The following PXT1 variants were observed in gnomAD, a reference collection of about 807,000 sequenced individuals.
The protein encoded by PXT1 is peroxisomal testis enriched protein 1, also known as peroxisomal testis-specific protein 1.
PXT1 carries 11 observed loss-of-function variants against 11.0 expected under a neutral mutation model. The observed-to-expected ratio is 1.00, with a 90% confidence interval of 0.63 to 1.66. The LOEUF (loss-of-function observed/expected upper bound fraction) is 1.66. PXT1 is among the 40% of genes most tolerant of loss of function. PXT1 has a pLI of 0.00. For missense variants in PXT1, 141 were observed against 155.5 expected, an observed-to-expected ratio of 0.91 and a Z score of 0.49; for synonymous variants, 43 against 51.4, an observed-to-expected ratio of 0.84 and a Z score of 0.70.
rs933307783 is a variant in PXT1 at position 36,391,100 on chromosome 6, T to C, written c.*670A>G. ...ATCAAAGGTGAGAAAAGAACGTAAA[T>C]GTTGTAGAATCAGAGCCTGAGAAGG... On this transcript the variant is annotated 3_prime_UTR_variant, in exon 5 of 5. Coordinates refer to ENST00000454782, the MANE Select transcript of PXT1 (RefSeq NM_152990.4). 1 of 152,078 alleles carries C rather than the reference T, an allele frequency of 6.6e-6. No homozygotes were observed. The highest frequency in any genetic ancestry group is 2.4e-5 in the African/African-American group (1 of 41,292). 9.4% of individuals were successfully genotyped at this position (152,078 alleles called of 1,614,324 possible). A position where few individuals can be genotyped will look rare whatever the true frequency, so the allele number is the denominator to read the frequency against.
At chr6:36,400,970 CA>C (rs200057048) in intron 3 of PXT1, among the ~76,000 whole-genome samples, 183 of 134,530 alleles carry the variant, frequency 1.4e-3, no homozygotes, top group African/African-American at 2.9e-3. Flanking sequence ...AACTCCATCT[CA>C]AAAAAAAAAA....
intron 2 of PXT1, among the ~76,000 whole-genome samples, chr6:36,437,706 C>CG (rs1396248322): frequency 1.3e-5 from 2 of 151,162 alleles, no homozygotes; most frequent in Non-Finnish European, 2.9e-5. Context: ...TTAGTAGAGA[C>CG]GGGGTTTCAC....
chr6:36,424,259 T>TA (rs576236705), intron 3 of PXT1, among the ~76,000 whole-genome samples: 3 of 152,082 alleles, frequency 2.0e-5, no homozygotes, highest in Non-Finnish European at 2.9e-5. Flanking sequence ...TTACGTCTCT[T>TA]AAAAAAAATT....
intron 2 of PXT1, among the ~76,000 whole-genome samples, chr6:36,437,809 C>T (rs1774788486): frequency 7.0e-6 from 1 of 141,850 alleles, no homozygotes; most frequent in African/African-American, 2.6e-5. Context: ...AGCCACCGTG[C>T]CCAGCCACTG....
At chr6:36,410,205 C>A (rs145069234) in intron 3 of PXT1, among the ~76,000 whole-genome samples, 92 of 151,868 alleles carry the variant, frequency 6.1e-4, no homozygotes, top group African/African-American at 2.0e-3. Context: ...AATCCCAGCA[C>A]TTTGGGAGGC....
intron 2 of PXT1, among the ~76,000 whole-genome samples, chr6:36,429,365 A>T (rs1774656053): frequency 1.1e-5 from 1 of 87,982 alleles, no homozygotes; most frequent in Non-Finnish European, 2.3e-5. Flanking sequence ...TCATGAAAGC[A>T]TGAGAATATA....
intron 3 of PXT1, among the ~76,000 whole-genome samples, chr6:36,421,501 A>G (rs1164354777): frequency 6.6e-6 from 1 of 152,218 alleles, no homozygotes; most frequent in African/African-American, 2.4e-5. Flanking sequence ...ATCTGTGGGA[A>G]GGGTTTACGA....
chr6:36,412,912 CAA>C (rs781129564), intron 3 of PXT1, among the ~76,000 whole-genome samples: 5 of 130,820 alleles, frequency 3.8e-5, no homozygotes, highest in Non-Finnish European at 3.3e-5. Flanking sequence ...AAAGTTAAGT[CAA>C]AAAAAAAAAG....
chr6:36,400,306 A>G (rs1273138492), intron 4 of PXT1, 148 bp downstream of exon 4: 1 of 992,210 alleles, frequency 1.0e-6, no homozygotes, highest in Non-Finnish European at 1.5e-6. Context: ...TCAGGTTCAC[A>G]ATGTTTAGAT....
chr6:36,391,714 G>T lies in PXT1; in HGVS notation c.*56C>A. On this transcript the variant is annotated 3_prime_UTR_variant, in exon 5 of 5. Coordinates refer to ENST00000454782, the MANE Select transcript of PXT1 (RefSeq NM_152990.4). ...TCCCATCTGTCCCAGTGGGATTCAT[G>T]TTTCTCAGAGGGTAAAAAGAAAACA... The T allele has an allele frequency of 8.6e-7, 1 of 1,163,970 alleles. No homozygotes were observed. The highest frequency in any genetic ancestry group is 1.3e-6 in the Non-Finnish European group (1 of 771,618). The allele number at this position is 1,163,970 out of a possible 1,614,324, so 72.1% of individuals were successfully genotyped here.
intron 3 of PXT1, among the ~76,000 whole-genome samples, chr6:36,418,100 G>A (rs531956951): frequency 2.8e-4 from 43 of 152,146 alleles, no homozygotes; most frequent in African/African-American, 8.9e-4. Flanking sequence ...GGAGACTGAG[G>A]CAGGAGAATG....
intron 4 of PXT1, 128 bp from the exon 5 acceptor site, chr6:36,392,002 G>A: frequency 1.5e-6 from 1 of 654,374 alleles, no homozygotes; most frequent in Non-Finnish European, 2.6e-6. Context: ...CAAGCTTCTT[G>A]GGTTGCTTTA....
At chr6:36,412,632 C>G (rs1774390754) in intron 3 of PXT1, among the ~76,000 whole-genome samples, 1 of 147,784 alleles carries the variant, frequency 6.8e-6, no homozygotes, top group African/African-American at 2.5e-5. Flanking sequence ...TGCACTCCAG[C>G]CTGGCAAGAG....
At chr6:36,396,000 A>AAAAC (rs746007081) in intron 4 of PXT1, among the ~76,000 whole-genome samples, 1 of 152,202 alleles carries the variant, frequency 6.6e-6, no homozygotes, top group African/African-American at 2.4e-5. Context: ...CCTGTCTCAA[A>AAAAC]AAACAAACAA....
Position 36,391,644 on chromosome 6 carries a change from C to T in PXT1, c.*126G>A, listed in dbSNP as rs543901116. On this transcript the variant is annotated 3_prime_UTR_variant, in exon 5 of 5. Transcript: ENST00000454782. ...GTTCTTCAACAAACTGGGTGTAGAC[C>T]AACAGTGATGGGTACAAAAAGAGGG... The T allele has an allele frequency of 2.7e-4, 199 of 737,368 alleles. 6 individuals are homozygous for T. The South Asian group carries it at 3.0e-3, about 11-fold the overall frequency. 45.7% of individuals were successfully genotyped at this position (737,368 alleles called of 1,614,324 possible).
chr6:36,403,498 G>A (rs1774242554), intron 3 of PXT1, among the ~76,000 whole-genome samples: 1 of 152,176 alleles, frequency 6.6e-6, no homozygotes, highest in Non-Finnish European at 1.5e-5. Flanking sequence ...CCTGTACAGA[G>A]AACGTGATGG....
intron 4 of PXT1, among the ~76,000 whole-genome samples, chr6:36,399,880 C>A (rs1330892572): frequency 6.6e-6 from 1 of 152,080 alleles, no homozygotes; most frequent in African/African-American, 2.4e-5. Context: ...TGCATCCTAC[C>A]CTTCGGGCTG....
At chr6:36,400,083 T>C (rs1014384849) in intron 4 of PXT1, among the ~76,000 whole-genome samples, 1 of 152,222 alleles carries the variant, frequency 6.6e-6, no homozygotes, top group African/African-American at 2.4e-5. Flanking sequence ...GCATCCAGTT[T>C]TGAGGGTGTG....
chr6:36,434,454 G>A (rs1774735307), intron 2 of PXT1, among the ~76,000 whole-genome samples: 1 of 152,092 alleles, frequency 6.6e-6, no homozygotes, highest in African/African-American at 2.4e-5. Flanking sequence ...AAAATTTTAT[G>A]TTAATGTCTC....
Sources: allele counts gnomAD v4.1 joint callset (sites outside exome capture counted in the v4.1 genomes callset), GRCh38; gene constraint gnomAD v4.1.1; transcripts MANE v1.5; gene names NCBI Gene and HGNC (gene_info 2026-07-23, HGNC 2026-07-21).